TM2D2: variants seen among roughly 807,000 people sequenced by gnomAD.
TM2D2 encodes TM2 domain containing 2.
In TM2D2, 19 loss-of-function variants were observed where a neutral mutation model predicts 23.0. That is an observed-to-expected ratio of 0.82 (90% CI 0.58 to 1.21). The LOEUF (loss-of-function observed/expected upper bound fraction) is 1.21, where lower values mean the gene tolerates loss of function less well. TM2D2 is among the 50% of genes most tolerant of loss of function. The pLI is 0.00. For synonymous variants in TM2D2, 120 were observed against 108.8 expected, an observed-to-expected ratio of 1.10 and a Z score of -0.64; for missense variants, 246 against 265.4, an observed-to-expected ratio of 0.93 and a Z score of 0.51.
chr8:38,996,489 A>T lies in TM2D2; in HGVS notation c.-50T>A. On this transcript the variant is annotated 5_prime_UTR_variant, in exon 1 of 4. Coordinates refer to ENST00000456397, the MANE Select transcript of TM2D2 (RefSeq NM_078473.3). The stretch of plus-strand genomic sequence containing the variant: ...CCGGCCTCAACCACAACCCCAGGCC[A>T]GCAGCACAGACCCAAGAACTGCGTG... 2 of 1,609,672 alleles carry T rather than the reference A, an allele frequency of 1.2e-6. No individual in the cohort carries two copies. Among genetic ancestry groups the T allele is most frequent in the Non-Finnish European group, 1.7e-6 (2 of 1,177,550 alleles).
rs1181971500 is a variant in TM2D2, at chr8:38,990,626, C to A, written c.*706G>T. The A allele has an allele frequency of 6.6e-6, 1 of 152,192 alleles. No homozygotes were observed. Among genetic ancestry groups the A allele is most frequent in the Non-Finnish European group, 1.5e-5 (1 of 68,054 alleles). The allele number at this position is 152,192 out of a possible 1,614,324, so 9.4% of individuals were successfully genotyped here. On this transcript the variant is annotated 3_prime_UTR_variant, in exon 4 of 4. Transcript: ENST00000456397. ...AATAGCTCAACTCACACATCTGATGCCGCTGGCTTTCAAAACATAAGTGGA... is the reference window on the plus strand; with the variant it reads ...AATAGCTCAACTCACACATCTGATGACGCTGGCTTTCAAAACATAAGTGGA...
chr8:38,995,298 A>T lies in TM2D2; in HGVS notation c.315+20T>A. The T allele has an allele frequency of 6.5e-7, 1 of 1,545,250 alleles. No individual in the cohort carries two copies. Among genetic ancestry groups the T allele is most frequent in the Non-Finnish European group, 8.8e-7 (1 of 1,139,120 alleles). The stretch of plus-strand genomic sequence containing the variant: ...TTTCGTTATCGAAGGGTTTGCTCTT[A>T]CGACAAAACAAAAACTCACCTTGAG... On this transcript the variant is annotated intron_variant, in intron 2 of 3. Transcript: ENST00000456397.
chr8:38,991,570 G>A (rs1245802987), intron 3 of TM2D2, 25 bp from the exon 4 acceptor site: 6 of 1,570,514 alleles, frequency 3.8e-6, no homozygotes, highest in Non-Finnish European at 4.4e-6. Flanking sequence ...TGAAAAGGAA[G>A]ATGTTTTACT....
intron 3 of TM2D2, among the ~76,000 whole-genome samples, chr8:38,992,040 A>T (rs773159348): frequency 6.6e-6 from 1 of 152,136 alleles, no homozygotes; most frequent in African/African-American, 2.4e-5. Flanking sequence ...TCTCTAGACT[A>T]GTTTGCATAT....
rs1192031405 is a variant in TM2D2 at position 38,991,543 on chromosome 8, T to A, written c.434A>T (p.Tyr145Phe). The stretch of plus-strand genomic sequence containing the variant: ...AGTGGTTATGAAGTAGTGTCCGGTA[T>A]ACCTAGGTGAAAGGAATGAAAAGGA... ...FLRENKPCIK[Y>F]TGHYFITTLL... Residue 145 changes from tyrosine (Y) to phenylalanine (F), a missense_variant and splice_region_variant, in exon 4 of 4, where the codon TAT (tyrosine) becomes TTT (phenylalanine). By Grantham distance (22) the Tyr-to-Phe change is conservative (BLOSUM62 3). Coordinates refer to ENST00000456397, the MANE Select transcript of TM2D2 (RefSeq NM_078473.3). 1 of 1,609,290 alleles carries A rather than the reference T, an allele frequency of 6.2e-7. No individual in the cohort carries two copies.
chr8:38,991,476 T>A lies in TM2D2; in HGVS notation c.501A>T (p.Arg167=). ...CAGTGCCAGTGTGTCCCAAACAGAA[T>A]CGATCCACACCAAAACATCCCAGGA... ...SFFLGCFGVD[R]FCLGHTGTAV... is the part of the protein sequence containing the mutation. The change falls in exon 4 of 4, where the codon CGA becomes CGT. Residue 167 remains arginine, a synonymous_variant. Transcript: ENST00000456397. The A allele has an allele frequency of 1.2e-6, 2 of 1,613,392 alleles. No individual in the cohort carries two copies. The highest frequency in any genetic ancestry group is 2.2e-5 in the South Asian group (2 of 91,044).
intron 3 of TM2D2, among the ~76,000 whole-genome samples, chr8:38,992,180 T>C (rs1835620846): frequency 1.3e-5 from 2 of 151,858 alleles, no homozygotes; most frequent in South Asian, 2.1e-4. Flanking sequence ...TTTAAAAAAC[T>C]TTTTGACCAT....
At position 38,989,996 on chromosome 8, in the gene TM2D2, T is replaced by TCC. The variant is rs1835557155; in HGVS notation, c.*1335_*1336insGG. 2 of 152,212 alleles carry TCC rather than the reference T, an allele frequency of 1.3e-5. No homozygotes were observed. Among genetic ancestry groups the TCC allele is most frequent in the Non-Finnish European group, 2.9e-5 (2 of 68,042 alleles). 9.4% of individuals were successfully genotyped at this position (152,212 alleles called of 1,614,324 possible). A position where few individuals can be genotyped will look rare whatever the true frequency, so the allele number is the denominator to read the frequency against. On this transcript the variant is annotated 3_prime_UTR_variant, in exon 4 of 4. Coordinates refer to ENST00000456397, the MANE Select transcript of TM2D2 (RefSeq NM_078473.3). Reference sequence around the variant, plus strand: ...ATACTATCTTAGGGTATAAAGATTATGAATTAAAAGTTTACCAATTGTTAT... The same window carrying TCC: ...ATACTATCTTAGGGTATAAAGATTATCCGAATTAAAAGTTTACCAATTGTTAT...
In TM2D2 at chr8:38,995,355, G is replaced by C; in HGVS notation, c.278C>G (p.Ala93Gly). ...ATAACCAAGTTCCTGGGATGCAGTT[G>C]CATTTCCAACATGATCCACTGGGTC... ...CEDPVDHVGN[A>G]TASQELGYGC... The change falls in exon 2 of 4, where the codon GCA becomes GGA. Residue 93 changes from alanine (A) to glycine (G), a missense_variant. Coordinates refer to ENST00000456397, the MANE Select transcript of TM2D2 (RefSeq NM_078473.3). The C allele has an allele frequency of 1.2e-6, 2 of 1,605,784 alleles. No individual in the cohort carries two copies. Among genetic ancestry groups the C allele is most frequent in the Non-Finnish European group, 8.5e-7 (1 of 1,177,488 alleles).
chr8:38,994,349 C>A (rs1345436857), intron 2 of TM2D2, among the ~76,000 whole-genome samples: 1 of 152,142 alleles, frequency 6.6e-6, no homozygotes, highest in Non-Finnish European at 1.5e-5. Flanking sequence ...TTACTATTTT[C>A]ATTGGCGAGT....
intron 2 of TM2D2, among the ~76,000 whole-genome samples, chr8:38,994,774 T>C (rs1431973574): frequency 1.3e-5 from 2 of 152,206 alleles, no homozygotes; most frequent in African/African-American, 4.8e-5. Context: ...ATAGCGTTTT[T>C]CCATTCCAAG....
rs1475274562 is a variant in TM2D2 at position 38,996,278 on chromosome 8, G to A, written c.162C>T (p.Gly54=). The stretch of plus-strand genomic sequence containing the variant: ...ATTCCCAGCTCGCAGCACCCCCGGG[G>A]CCCTCCGGCTGGGCGGCGCCAGCGG... ...LTSAGAAQPE[G]PGGAASWEYG... The change falls in exon 1 of 4, where the codon GGC becomes GGT. Residue 54 remains glycine (G), a synonymous_variant. Transcript: ENST00000456397. 32 of 1,613,916 alleles carry A rather than the reference G, an allele frequency of 2.0e-5. No homozygotes were observed. The Admixed American group carries it at 5.0e-4, about 25-fold the overall frequency.
chr8:38,996,492 A>G lies in TM2D2; in HGVS notation c.-53T>C, dbSNP rs1192543023. ...GCCTCAACCACAACCCCAGGCCAGC[A>G]GCACAGACCCAAGAACTGCGTGGTC... On this transcript the variant is annotated 5_prime_UTR_variant, in exon 1 of 4. Transcript: ENST00000456397. 1.9e-6 allele frequency: 3 copies of G among 1,607,528 alleles called. No homozygotes were observed. Among genetic ancestry groups the G allele is most frequent in the Admixed American group, 1.7e-5 (1 of 59,550 alleles).
chr8:38,996,590 C>G (rs940855412), upstream of TM2D2: 4 of 1,457,624 alleles, frequency 2.7e-6, no homozygotes, highest in Non-Finnish European at 3.6e-6. Flanking sequence ...ACGCTCCGCG[C>G]ACCTCCGCCA....
rs1835529272 is a variant in TM2D2 at position 38,989,088 on chromosome 8, G to A, written c.*2244C>T. On this transcript the variant is annotated 3_prime_UTR_variant, in exon 4 of 4. Coordinates refer to ENST00000456397, the MANE Select transcript of TM2D2 (RefSeq NM_078473.3). ...CAGGTTTGTGGGCAGATGGATGATG[G>A]GTGTCATTTACAAGTCAAATGAAAA... 1 of 152,164 alleles carries A rather than the reference G, an allele frequency of 6.6e-6. No homozygotes were observed. The highest frequency in any genetic ancestry group is 2.4e-5 in the African/African-American group (1 of 41,430). 9.4% of individuals were successfully genotyped at this position (152,164 alleles called of 1,614,324 possible).
At chr8:38,994,585 G>T (rs1339231796) in intron 2 of TM2D2, among the ~76,000 whole-genome samples, 1 of 152,066 alleles carries the variant, frequency 6.6e-6, no homozygotes, top group East Asian at 1.9e-4. Flanking sequence ...GTCTGATTTA[G>T]TACAAAACAT....
In TM2D2 at chr8:38,991,188, G is replaced by GAAGCCTTCTT; in HGVS notation, c.*134_*143dup. 1.4e-6 allele frequency: 1 copy of GAAGCCTTCTT among 717,928 alleles called. No homozygotes were observed. The highest frequency in any genetic ancestry group is 1.9e-5 in the South Asian group (1 of 52,536). 44.5% of individuals were successfully genotyped at this position (717,928 alleles called of 1,614,324 possible). On this transcript the variant is annotated 3_prime_UTR_variant, in exon 4 of 4. Transcript: ENST00000456397. Reference sequence around the variant, plus strand: ...CTGGGTTGAAATTCCAAAGTCCAAAGAAGCCTTCTTAACCAAACAAATGCC... The same window carrying GAAGCCTTCTT: ...CTGGGTTGAAATTCCAAAGTCCAAAGAAGCCTTCTTAAGCCTTCTTAACCAAACAAATGCC...
intron 3 of TM2D2, among the ~76,000 whole-genome samples, chr8:38,992,489 A>G (rs1304062345): frequency 6.7e-6 from 1 of 149,854 alleles, no homozygotes; most frequent in Non-Finnish European, 1.5e-5. Context: ...CCATCTCCAA[A>G]AAAAAAAAAA....
intron 3 of TM2D2, 122 bp downstream of exon 3, chr8:38,993,423 T>G: frequency 1.6e-6 from 1 of 641,788 alleles, no homozygotes; most frequent in Admixed American, 3.0e-5. Flanking sequence ...ACCACTGCAC[T>G]CCAGCCTGGG....
Sources: gnomAD v4.1 joint callset for allele counts (sites outside exome capture counted in the v4.1 genomes callset) on GRCh38, gnomAD v4.1.1 for gene constraint, MANE v1.5 for transcripts, NCBI Gene and HGNC (gene_info 2026-07-23, HGNC 2026-07-21) for gene names.